PPP1R12C: variants seen among roughly 807,000 people sequenced by gnomAD.
PPP1R12C encodes protein phosphatase 1 regulatory subunit 12C, also known as leukocyte receptor cluster (LRC) encoded novel gene 3.
A neutral mutation model predicts 95.6 loss-of-function variants in PPP1R12C; 48 were observed. The observed-to-expected ratio is 0.50, with a 90% CI of 0.40 to 0.64. The LOEUF is 0.64. Ranked by LOEUF, PPP1R12C falls within the 30% of genes least tolerant of loss-of-function variation. The pLI, the probability that PPP1R12C is intolerant of heterozygous loss-of-function variation, is 0.00. For synonymous variants in PPP1R12C, 480 were observed against 460.8 expected (o/e 1.04, Z -0.53); for missense variants, 1,057 against 1,083.3 (o/e 0.98, Z 0.34).
chr19:55,100,597 G>T (rs181769465), intron 4 of PPP1R12C, among the ~76,000 whole-genome samples: 1 of 152,210 alleles, frequency 6.6e-6, no homozygotes, highest in Non-Finnish European at 1.5e-5. Flanking sequence ...TGCAACAAAT[G>T]TTTTTTTGTT....
At chr19:55,099,132 C>T (rs765495761) in intron 4 of PPP1R12C, 37 bp from the exon 5 acceptor site, 31 of 1,475,132 alleles carry the variant, frequency 2.1e-5, no homozygotes, top group Non-Finnish European at 1.8e-5. Context: ...GAGGCCAAGG[C>T]GGGGCCCTTG....
intron 3 of PPP1R12C, among the ~76,000 whole-genome samples, chr19:55,104,304 C>T (rs1004874265): frequency 2.1e-5 from 3 of 146,020 alleles, no homozygotes; most frequent in Non-Finnish European, 4.5e-5. Flanking sequence ...CCTATATATA[C>T]ACATTTCCTA....
intron 3 of PPP1R12C, among the ~76,000 whole-genome samples, chr19:55,110,165 G>A (rs537788356): frequency 6.6e-6 from 1 of 152,332 alleles, no homozygotes; most frequent in East Asian, 1.9e-4. Flanking sequence ...AAGGAGGACT[G>A]ATCCAGACAG....
chr19:55,103,280 G>A (rs2084997895), intron 4 of PPP1R12C, 129 bp downstream of exon 4: 2 of 866,268 alleles, frequency 2.3e-6, no homozygotes, highest in East Asian at 3.1e-5. Flanking sequence ...CAAAACTTGT[G>A]GGTACAGCTA....
intron 3 of PPP1R12C, among the ~76,000 whole-genome samples, chr19:55,110,452 G>A (rs1024234726): frequency 1.3e-4 from 19 of 150,950 alleles, no homozygotes; most frequent in African/African-American, 3.7e-4. Context: ...AGGTTGGTGC[G>A]GTGGGTGAGA....
At chr19:55,098,409 A>T (rs1409801179) in intron 6 of PPP1R12C, among the ~76,000 whole-genome samples, 2 of 152,154 alleles carry the variant, frequency 1.3e-5, no homozygotes, top group African/African-American at 4.8e-5. Context: ...TGCCCCGGGG[A>T]TGGCTGGGGG....
intron 1 of PPP1R12C, chr19:55,113,034 A>G (rs2085115214): frequency 1.7e-6 from 1 of 589,182 alleles, no homozygotes; most frequent in South Asian, 2.2e-5. Flanking sequence ...CTATCTGCAA[A>G]CAGGAAGTGA....
chr19:55,095,780 C>T, intron 9 of PPP1R12C, 87 bp downstream of exon 9: 1 of 1,546,626 alleles, frequency 6.5e-7, no homozygotes. Flanking sequence ...TTCCCCCTAT[C>T]TGCCCCTGCC....
At chr19:55,104,199 T>TATATATATACAC (rs34075382) in intron 3 of PPP1R12C, among the ~76,000 whole-genome samples, 21 of 120,040 alleles carry the variant, frequency 1.7e-4, no homozygotes, top group African/African-American at 7.4e-4. Flanking sequence ...TATATATATA[T>TATATATATACAC]ACACACACAC....
chr19:55,095,009 C>T lies in PPP1R12C; in HGVS notation c.1455-211G>A, dbSNP rs1472312929. The stretch of plus-strand genomic sequence containing the variant: ...AGGACTCTGGACAGAAGCAGCAGTG[C>T]GAGAACTGAGAGCGGGAGGGTGTGC... On this transcript the variant is annotated intron_variant, in intron 11 of 21. Transcript: ENST00000263433. 1.8e-5 allele frequency: 13 copies of T among 708,030 alleles called. 1 individual carries two copies. In the South Asian group the frequency reaches 2.3e-4, roughly 13 times the overall value. The allele number at this position is 708,030 out of a possible 1,614,324, so 43.9% of individuals were successfully genotyped here.
intron 19 of PPP1R12C, 79 bp from the exon 20 acceptor site, chr19:55,091,988 ACCCG>A: frequency 6.5e-7 from 1 of 1,540,878 alleles, no homozygotes; most frequent in Non-Finnish European, 8.9e-7. Flanking sequence ...CCTGCTGGGC[ACCCG>A]CCCGCCCACT....
chr19:55,117,138 A>C, intron 1 of PPP1R12C, 85 bp downstream of exon 1: 1 of 1,105,468 alleles, frequency 9.0e-7, no homozygotes, highest in Non-Finnish European at 1.1e-6. Flanking sequence ...GCGGATCGAG[A>C]CTGGCAACGG....
intron 1 of PPP1R12C, chr19:55,113,361 G>A: frequency 1.4e-6 from 2 of 1,391,790 alleles, no homozygotes; most frequent in Admixed American, 2.9e-5. Context: ...GGCCTGGGCG[G>A]GACTCCCAGA....
intron 6 of PPP1R12C, among the ~76,000 whole-genome samples, chr19:55,097,385 T>C: frequency 9.7e-6 from 1 of 103,020 alleles, no homozygotes. Flanking sequence ...TCTTCACCCC[T>C]TCCCTGCAGT....
At chr19:55,112,374 G>A in intron 3 of PPP1R12C, 93 bp downstream of exon 3, 1 of 1,128,908 alleles carries the variant, frequency 8.9e-7, no homozygotes, top group Non-Finnish European at 1.3e-6. Context: ...AGCAGGGTCA[G>A]CCTCGGTGCC....
At position 55,092,857 on chromosome 19, in the gene PPP1R12C, C is replaced by A; in HGVS notation, c.1837G>T (p.Asp613Tyr). ...DSPAQRAEAP[D>Y]GQGPGPQAAR... ...GCCTGCGGTCCCGGACCCTGCCCGT[C>A]GGGCGCCTCTGCTGGGGGAGGGGCA... The change falls in exon 16 of 22, where the codon GAC (aspartate) becomes TAC (tyrosine). Residue 613 changes from aspartate to tyrosine, a missense_variant. This residue lies in a region of PPP1R12C where 347 missense variants were observed against 307.9 expected (regional missense o/e 1.13). Transcript: ENST00000263433. 6.3e-7 allele frequency: 1 copy of A among 1,583,046 alleles called. No homozygotes were observed. Among genetic ancestry groups the A allele is most frequent in the Non-Finnish European group, 8.6e-7 (1 of 1,165,322 alleles).
At position 55,093,021 on chromosome 19, in the gene PPP1R12C, T is replaced by A. The variant is rs137981480; in HGVS notation, c.1820A>T (p.Gln607Leu). The change falls in exon 15 of 22, where the codon CAG becomes CTG. Residue 607 changes from glutamine (Q) to leucine (L), a missense_variant. Physicochemically the swap from Gln to Leu is moderately radical, Grantham distance 113. Transcript: ENST00000263433. ...PGVENSDSPAQRAEAPDGQGP... is the reference protein window; with the variant it reads ...PGVENSDSPALRAEAPDGQGP... ...TCCCCGAGAGCAGACCTCACCTCTC[T>A]GGGCAGGGCTGTCAGAGTTCTCCAC... 8 of 1,579,068 alleles carry A rather than the reference T, an allele frequency of 5.1e-6. No homozygotes were observed. The highest frequency in any genetic ancestry group is 6.0e-6 in the Non-Finnish European group (7 of 1,161,368).
intron 1 of PPP1R12C, chr19:55,113,346 TC>T: frequency 7.5e-7 from 1 of 1,340,194 alleles, no homozygotes; most frequent in Non-Finnish European, 9.7e-7. Context: ...TGGGACAGAC[TC>T]AGGGGCCTGG....
intron 3 of PPP1R12C, among the ~76,000 whole-genome samples, chr19:55,108,458 G>A (rs569424733): frequency 2.6e-4 from 40 of 151,966 alleles, no homozygotes; most frequent in African/African-American, 9.2e-4. Context: ...GTGAAACCCC[G>A]TCTCCACAAA....
Sources: gnomAD v4.1 joint callset for allele counts (sites outside exome capture counted in the v4.1 genomes callset) on GRCh38, gnomAD v4.1.1 for gene constraint, gnomAD v4.1.1 regional missense constraint, MANE v1.5 for transcripts, NCBI Gene and HGNC (gene_info 2026-07-23, HGNC 2026-07-21) for gene names.